TBC1D7: variants seen among roughly 807,000 people sequenced by gnomAD.
The protein encoded by TBC1D7 is TBC domain family 7.
A neutral mutation model predicts 35.3 loss-of-function variants in TBC1D7; 33 were observed. The ratio of observed to expected loss-of-function variants is 0.93; its 90% CI spans 0.71 to 1.25. The LOEUF (loss-of-function observed/expected upper bound fraction) is 1.25, where lower values mean the gene tolerates loss of function less well. Ranked by LOEUF, TBC1D7 falls within the 50% of genes most tolerant of loss-of-function variation. The pLI, the probability that TBC1D7 is intolerant of heterozygous loss-of-function variation, is 0.00. For synonymous variants in TBC1D7, 135 were observed against 129.5 expected, an observed-to-expected ratio of 1.04 and a Z score of -0.29; for missense variants, 362 against 365.3, an observed-to-expected ratio of 0.99 and a Z score of 0.07.
intron 3 of TBC1D7, among the ~76,000 whole-genome samples, chr6:13,321,680 G>A (rs1243787719): frequency 2.0e-5 from 3 of 152,130 alleles, no homozygotes; most frequent in Non-Finnish European, 4.4e-5. Context: ...CAAACAAATG[G>A]CTCTGAGGAA....
chr6:13,316,743 A>G (rs1288735657), intron 4 of TBC1D7, 35 bp from the exon 5 acceptor site: 1 of 1,608,892 alleles, frequency 6.2e-7, no homozygotes, highest in Non-Finnish European at 8.5e-7. Flanking sequence ...AGAGGAAGGC[A>G]GTGAAAGAGA....
chr6:13,320,968 G>C lies in TBC1D7; in HGVS notation c.321C>G (p.Val107=). The C allele has an allele frequency of 6.2e-7, 1 of 1,614,218 alleles. No individual in the cohort carries two copies. Among genetic ancestry groups the C allele is most frequent in the South Asian group, 1.1e-5 (1 of 91,078 alleles). The part of the protein sequence containing the change: ...FVSDATPQAE[V]YLRMYQLESG... ...ACTCCAGCTGATACATGCGGAGATA[G>C]ACTTCAGCCTGAGGTGTGGCATCAC... is the stretch of plus-strand genomic sequence containing the variant. Residue 107 remains valine, a synonymous_variant, in exon 4 of 8, where the codon GTC becomes GTG. Transcript: ENST00000379300.
chr6:13,310,732 TA>T (rs532349332), intron 5 of TBC1D7, among the ~76,000 whole-genome samples: 1 of 151,816 alleles, frequency 6.6e-6, no homozygotes, highest in Non-Finnish European at 1.5e-5. Context: ...TGTATACTAA[TA>T]TGGCATGATC....
chr6:13,313,605 G>A (rs1017624226), intron 5 of TBC1D7, among the ~76,000 whole-genome samples: 10 of 152,238 alleles, frequency 6.6e-5, no homozygotes, highest in Non-Finnish European at 1.5e-4. Flanking sequence ...CTTACTCTCA[G>A]TATGGATCTC....
intron 1 of TBC1D7, among the ~76,000 whole-genome samples, chr6:13,327,268 C>A (rs1485502155): frequency 3.9e-5 from 6 of 152,140 alleles, no homozygotes; most frequent in Admixed American, 3.9e-4. Flanking sequence ...GGAAGCCAGG[C>A]AAGATACGTC....
At chr6:13,307,810 TCTCTGATG>T in intron 5 of TBC1D7, 65 bp from the exon 6 acceptor site, 1 of 1,491,508 alleles carries the variant, frequency 6.7e-7, no homozygotes, top group Admixed American at 2.0e-5. Flanking sequence ...GATATTATAG[TCTCTGATG>T]AAAAAAAAGT....
intron 2 of TBC1D7, among the ~76,000 whole-genome samples, chr6:13,326,071 T>C (rs1321527417): frequency 1.3e-5 from 2 of 152,258 alleles, no homozygotes; most frequent in Non-Finnish European, 2.9e-5. Flanking sequence ...TATCTTTAAC[T>C]ACGGTTCAGT....
In TBC1D7 at chr6:13,326,756, A is replaced by C. The variant is rs575854870; in HGVS notation, c.112+31T>G. The stretch of plus-strand genomic sequence containing the variant: ...TTCAGAACATGTGGAGTGATTGAGA[A>C]CCAATGAGATTAATTTTTAAAAGTA... On this transcript the variant is annotated intron_variant, in intron 2 of 7. Transcript: ENST00000379300. 62 of 1,390,316 alleles carry C rather than the reference A, an allele frequency of 4.5e-5. No individual in the cohort carries two copies. The East Asian group carries it at 1.4e-3, about 31-fold the overall frequency. 86.1% of individuals were successfully genotyped at this position (1,390,316 alleles called of 1,614,324 possible).
At chr6:13,320,606 C>T in intron 4 of TBC1D7, 1 of 586,700 alleles carries the variant, frequency 1.7e-6, no homozygotes, top group Non-Finnish European at 3.0e-6. Context: ...AAAAAAGTTG[C>T]ATAATGTTAA....
intron 3 of TBC1D7, among the ~76,000 whole-genome samples, chr6:13,322,055 G>C (rs1334161432): frequency 6.6e-6 from 1 of 152,076 alleles, no homozygotes; most frequent in African/African-American, 2.4e-5. Context: ...TGGGCAACTG[G>C]GTGAAGGTAT....
At chr6:13,318,470 T>C (rs907049228) in intron 4 of TBC1D7, among the ~76,000 whole-genome samples, 4 of 152,230 alleles carry the variant, frequency 2.6e-5, no homozygotes, top group African/African-American at 9.7e-5. Context: ...ATTTAAGAAC[T>C]TGTGTAGTAC....
chr6:13,305,313 T>C, intron 7 of TBC1D7, 126 bp from the exon 8 acceptor site: 1 of 895,038 alleles, frequency 1.1e-6, no homozygotes, highest in Non-Finnish European at 1.8e-6. Context: ...AGTGACAGCA[T>C]AAAAGACTTG....
chr6:13,322,648 T>C (rs1007082976), intron 3 of TBC1D7, among the ~76,000 whole-genome samples: 2 of 152,066 alleles, frequency 1.3e-5, no homozygotes, highest in African/African-American at 4.8e-5. Flanking sequence ...ACAAAAACAA[T>C]AGTAGCTAAC....
At chr6:13,327,873 T>C (rs1420563988) in intron 1 of TBC1D7, 7 of 152,208 alleles carry the variant, frequency 4.6e-5, no homozygotes, top group Non-Finnish European at 1.0e-4. Flanking sequence ...AGTAAATCTT[T>C]AGGTTTAAAA....
intron 5 of TBC1D7, among the ~76,000 whole-genome samples, chr6:13,309,965 A>G (rs1783076786): frequency 6.6e-6 from 1 of 152,252 alleles, no homozygotes; most frequent in South Asian, 2.1e-4. Flanking sequence ...AATGCAATAT[A>G]AAATTACACT....
chr6:13,328,129 T>G (rs1784524904), intron 1 of TBC1D7, 167 bp downstream of exon 1: 1 of 152,228 alleles, frequency 6.6e-6, no homozygotes, highest in South Asian at 2.1e-4. Context: ...CGGTCCCTGT[T>G]GTCTAAGGAC....
intron 2 of TBC1D7, 46 bp from the exon 3 acceptor site, chr6:13,325,220 A>G: frequency 7.4e-7 from 1 of 1,349,264 alleles, no homozygotes; most frequent in East Asian, 2.3e-5. Context: ...CATGCTGATC[A>G]CAGTATGTCA....
intron 2 of TBC1D7, among the ~76,000 whole-genome samples, chr6:13,325,650 G>A (rs1784355926): frequency 6.6e-6 from 1 of 152,174 alleles, no homozygotes; most frequent in Non-Finnish European, 1.5e-5. Context: ...GCAAGAGTGA[G>A]ACTCTGTGTT....
intron 5 of TBC1D7, among the ~76,000 whole-genome samples, chr6:13,309,217 A>AAC (rs1226625199): frequency 6.6e-6 from 1 of 152,220 alleles, no homozygotes; most frequent in Admixed American, 6.5e-5. Context: ...CTTGGTTGAA[A>AAC]ACACACACAC....
Sources: gnomAD v4.1 joint callset for allele counts (sites outside exome capture counted in the v4.1 genomes callset) on GRCh38, gnomAD v4.1.1 for gene constraint, MANE v1.5 for transcripts, NCBI Gene and HGNC (gene_info 2026-07-23, HGNC 2026-07-21) for gene names.